The following LGR6 variants were observed in gnomAD, a reference collection of about 807,000 sequenced individuals.
LGR6 encodes leucine rich repeat containing G protein-coupled receptor 6.
A neutral mutation model predicts 69.4 loss-of-function variants in LGR6; 45 were observed. The observed-to-expected ratio is 0.65, with a 90% CI of 0.51 to 0.83. The LOEUF (loss-of-function observed/expected upper bound fraction) is 0.83. Among genes scored for constraint, LGR6 ranks in the 40% least tolerant of loss-of-function variants. The pLI is 0.00. For synonymous variants in LGR6, 538 were observed against 555.0 expected, an observed-to-expected ratio of 0.97 and a Z score of 0.43; for missense variants, 1,108 against 1,246.7, an observed-to-expected ratio of 0.89 and a Z score of 1.68.
intron 4 of LGR6, 33 bp from the exon 5 acceptor site, chr1:202,276,273 G>T (rs753351282): frequency 2.5e-5 from 40 of 1,579,826 alleles, no homozygotes; most frequent in Non-Finnish European, 3.1e-5. Context: ...ATCTTGCCCT[G>T]GATTGACCCC....
chr1:202,235,136 T>C (rs1661427498), intron 3 of LGR6, among the ~76,000 whole-genome samples: 1 of 152,054 alleles, frequency 6.6e-6, no homozygotes. Context: ...TTGGCTAGAG[T>C]CAGCAGTGCC....
chr1:202,292,461 C>T (rs2148225155), intron 6 of LGR6, among the ~76,000 whole-genome samples: 1 of 152,298 alleles, frequency 6.6e-6, no homozygotes, highest in South Asian at 2.1e-4. Context: ...GTCTTCTTGG[C>T]AGGTGGCCTC....
chr1:202,242,421 C>T (rs1662287105), intron 4 of LGR6, among the ~76,000 whole-genome samples: 1 of 152,216 alleles, frequency 6.6e-6, no homozygotes. Flanking sequence ...TGGCAAGTCA[C>T]TTCCTCTCTC....
At chr1:202,234,947 CT>C (rs1247303209) in intron 3 of LGR6, among the ~76,000 whole-genome samples, 1 of 151,982 alleles carries the variant, frequency 6.6e-6, no homozygotes, top group Non-Finnish European at 1.5e-5. Context: ...GCTTCCCCAG[CT>C]CTTCCATGAA....
intron 1 of LGR6, among the ~76,000 whole-genome samples, chr1:202,204,427 CCAAACA>C (rs1368310719): frequency 2.1e-5 from 2 of 96,584 alleles, no homozygotes; most frequent in Non-Finnish European, 4.4e-5. Flanking sequence ...ACACACACCT[CCAAACA>C]CACACACACA....
In LGR6 at chr1:202,254,728, G is replaced by A. The variant is rs1663611310; in HGVS notation, c.428+18735G>A. On this transcript the variant is annotated intron_variant, in intron 4 of 17. Coordinates refer to ENST00000367278, the MANE Select transcript of LGR6 (RefSeq NM_001017403.2). ...AGGAGCAAGTGTTTGCTGGGTGAGT[G>A]TGCCAGCACTGTGCCAGTTTTGAAG... 2.0e-5 allele frequency among the ~76,000 whole-genome samples: 3 copies of A among 152,280 alleles called. 1 individual carries two copies. The highest frequency in any genetic ancestry group is 7.2e-5 in the African/African-American group (3 of 41,556).
At chr1:202,317,346 T>A (rs1156722203) in intron 17 of LGR6, among the ~76,000 whole-genome samples, 2 of 151,806 alleles carry the variant, frequency 1.3e-5, no homozygotes, top group Non-Finnish European at 2.9e-5. Context: ...TTTGTTTTTT[T>A]TTTGTTTTTT....
At chr1:202,280,276 C>G (rs147328934) in intron 5 of LGR6, among the ~76,000 whole-genome samples, 5 of 152,170 alleles carry the variant, frequency 3.3e-5, no homozygotes, top group Admixed American at 1.3e-4. Context: ...TGCCTCGATT[C>G]CTCTGGCCTC....
chr1:202,286,889 T>C (rs1367180531), intron 6 of LGR6, among the ~76,000 whole-genome samples: 2 of 152,162 alleles, frequency 1.3e-5, no homozygotes, highest in African/African-American at 2.4e-5. Flanking sequence ...TGCCCTGGTG[T>C]GGGGGGTAGC....
intron 1 of LGR6, among the ~76,000 whole-genome samples, chr1:202,214,887 A>G (rs917099844): frequency 9.2e-5 from 14 of 151,954 alleles, no homozygotes; most frequent in Non-Finnish European, 1.9e-4. Context: ...TCTGAACTTT[A>G]TCTTCTGCTC....
At chr1:202,247,073 A>G (rs1257146043) in intron 4 of LGR6, among the ~76,000 whole-genome samples, 1 of 152,236 alleles carries the variant, frequency 6.6e-6, no homozygotes, top group African/African-American at 2.4e-5. Context: ...GAAACTATAA[A>G]GTGCAGATCC....
rs370774159 is a variant in LGR6, at chr1:202,318,918, C to T, written c.2615C>T (p.Ala872Val). ...SSCDSTQALV[A>V]FSDVDLILEA... is the part of the protein sequence containing the mutation. Reference sequence around the variant, plus strand: ...TGTGATTCTACCCAGGCCCTGGTAGCCTTCTCTGATGTGGATCTCATTCTG... The same window carrying T: ...TGTGATTCTACCCAGGCCCTGGTAGTCTTCTCTGATGTGGATCTCATTCTG... Residue 872 changes from alanine to valine, a missense_variant, in exon 18 of 18, where the codon GCC becomes GTC. Coordinates refer to ENST00000367278, the MANE Select transcript of LGR6 (RefSeq NM_001017403.2). The T allele has an allele frequency of 1.2e-6, 2 of 1,613,994 alleles. No homozygotes were observed. Among genetic ancestry groups the T allele is most frequent in the African/African-American group, 1.3e-5 (1 of 74,944 alleles).
At chr1:202,275,244 G>A (rs1435649110) in intron 4 of LGR6, among the ~76,000 whole-genome samples, 7 of 152,082 alleles carry the variant, frequency 4.6e-5, no homozygotes, top group South Asian at 2.1e-4. Context: ...GCTAAGCCTC[G>A]CTTCAAGATA....
At chr1:202,203,641 T>G (rs12122827) in intron 1 of LGR6, 163,097 of 622,068 alleles carry the variant, frequency 0.26, 22,594 homozygotes, top group East Asian at 0.31. Flanking sequence ...GAGAGAGAGA[T>G]AAGACAAGCG....
Position 202,319,298 on chromosome 1 carries a change from A to C in LGR6, c.*91A>C. 6.0e-6 allele frequency: 8 copies of C among 1,344,512 alleles called. No homozygotes were observed. The highest frequency in any genetic ancestry group is 8.0e-6 in the Non-Finnish European group (8 of 1,003,900). The allele number at this position is 1,344,512 out of a possible 1,614,324, so 83.3% of individuals were successfully genotyped here. On this transcript the variant is annotated 3_prime_UTR_variant, in exon 18 of 18. Transcript: ENST00000367278. ...CTGCTTCTAAAACAAATACAACCAA[A>C]ACTCAGCAGTGTGATCTATAGCAGG...
intron 4 of LGR6, among the ~76,000 whole-genome samples, chr1:202,244,046 C>G (rs1403372837): frequency 6.6e-6 from 1 of 152,110 alleles, no homozygotes; most frequent in African/African-American, 2.4e-5. Context: ...AACCTTCCAC[C>G]TGCCGGGTTC....
chr1:202,216,271 C>CT (rs1360400963), intron 1 of LGR6, among the ~76,000 whole-genome samples: 1 of 152,168 alleles, frequency 6.6e-6, no homozygotes, highest in Non-Finnish European at 1.5e-5. Flanking sequence ...TTACCATGTG[C>CT]TAGGCACTGC....
intron 1 of LGR6, among the ~76,000 whole-genome samples, chr1:202,199,926 T>G (rs1571802031): frequency 1.3e-5 from 2 of 152,224 alleles, no homozygotes; most frequent in Non-Finnish European, 2.9e-5. Context: ...CTATTAATAT[T>G]GTTTTTCTTA....
In LGR6 at chr1:202,319,004, C is replaced by T. The variant is rs771609440; in HGVS notation, c.2701C>T (p.Leu901Phe). ...GACCTATGGCTTCCCCTCAGTGACC[C>T]TCATCTCCTGTCAGCAGCCAGGGGC... Reference protein sequence around the residue: ...LETYGFPSVTLISCQQPGAPR... With the variant: ...LETYGFPSVTFISCQQPGAPR... The change falls in exon 18 of 18, where the codon CTC (leucine) becomes TTC (phenylalanine). Residue 901 changes from leucine (L) to phenylalanine (F), a missense_variant. Leu to Phe is a conservative substitution (Grantham distance 22). Transcript: ENST00000367278. 6.2e-7 allele frequency: 1 copy of T among 1,613,922 alleles called. No homozygotes were observed. The highest frequency in any genetic ancestry group is 8.5e-7 in the Non-Finnish European group (1 of 1,179,892).
Sources: gnomAD v4.1 joint callset for allele counts (sites outside exome capture counted in the v4.1 genomes callset) on GRCh38, gnomAD v4.1.1 for gene constraint, MANE v1.5 for transcripts, NCBI Gene and HGNC (gene_info 2026-07-23, HGNC 2026-07-21) for gene names.